Variants in HS3ST4 observed in about 807,000 individuals in gnomAD.
The protein encoded by HS3ST4 is heparan sulfate-glucosamine 3-sulfotransferase 4, also known as heparan sulfate glucosamine 3-O-sulfotransferase 4.
A neutral mutation model predicts 29.2 loss-of-function variants in HS3ST4; 17 were observed. That is an observed-to-expected ratio of 0.58 (90% CI 0.40 to 0.87). HS3ST4 has a LOEUF of 0.87. Ranked by LOEUF, HS3ST4 falls within the 40% of genes least tolerant of loss-of-function variation. HS3ST4 has a pLI of 0.00. For synonymous variants in HS3ST4, 314 were observed against 285.7 expected, an observed-to-expected ratio of 1.10 and a Z score of -1.00; for missense variants, 627 against 634.5, an observed-to-expected ratio of 0.99 and a Z score of 0.13.
rs146708875 is a variant in HS3ST4 at position 25,817,995 on chromosome 16, T to G, written c.734+124844T>G. 4.5e-3 allele frequency among the ~76,000 whole-genome samples: 678 copies of G among 152,274 alleles called. 2 individuals are homozygous for G. The highest frequency in any genetic ancestry group is 0.015 in the African/African-American group (639 of 41,554). ...TGCCTGAAACTTGGGAGTCATAAAA[T>G]CCTTGTCTTGACACCACTGTCTCGC... On this transcript the variant is annotated intron_variant, in intron 1 of 1. Transcript: ENST00000331351.
intron 1 of HS3ST4, among the ~76,000 whole-genome samples, chr16:25,745,570 T>A (rs1966680073): frequency 6.6e-6 from 1 of 152,164 alleles, no homozygotes; most frequent in South Asian, 2.1e-4. Context: ...ATTTAAGTGT[T>A]AAATTGGTGG....
chr16:25,912,284 C>T (rs550701587), intron 1 of HS3ST4, among the ~76,000 whole-genome samples: 34 of 152,304 alleles, frequency 2.2e-4, no homozygotes, highest in Middle Eastern at 3.4e-3. Context: ...GCTATGAATT[C>T]GTTATGCTCT....
chr16:25,760,056 G>C (rs1356154423), intron 1 of HS3ST4, among the ~76,000 whole-genome samples: 2 of 152,108 alleles, frequency 1.3e-5, no homozygotes, highest in Non-Finnish European at 2.9e-5. Context: ...TCCGGGACTT[G>C]AACTTCAATC....
chr16:26,092,210 C>T (rs903270074), intron 1 of HS3ST4, among the ~76,000 whole-genome samples: 5 of 152,088 alleles, frequency 3.3e-5, no homozygotes, highest in African/African-American at 1.2e-4. Context: ...CTAACCCAGC[C>T]CACGTCTACA....
At chr16:25,993,466 T>C (rs768008586) in intron 1 of HS3ST4, among the ~76,000 whole-genome samples, 38 of 152,022 alleles carry the variant, frequency 2.5e-4, no homozygotes, top group Non-Finnish European at 5.4e-4. Context: ...CTGTGGGGCA[T>C]CCCTAGTTCT....
chr16:26,062,261 C>T (rs1256070879), intron 1 of HS3ST4, among the ~76,000 whole-genome samples: 1 of 152,214 alleles, frequency 6.6e-6, no homozygotes, highest in East Asian at 1.9e-4. Context: ...AGAGCTGGTT[C>T]AACTGGTGGA....
At chr16:26,003,902 T>C (rs1383817133) in intron 1 of HS3ST4, among the ~76,000 whole-genome samples, 3 of 152,122 alleles carry the variant, frequency 2.0e-5, no homozygotes, top group African/African-American at 7.2e-5. Flanking sequence ...CTCCAAGTCC[T>C]GGGTCTTCCA....
intron 1 of HS3ST4, among the ~76,000 whole-genome samples, chr16:25,898,269 G>T (rs139627074): frequency 1.3e-5 from 2 of 152,284 alleles, no homozygotes; most frequent in South Asian, 2.1e-4. Flanking sequence ...AGTGCTAATG[G>T]CACTCACATA....
intron 1 of HS3ST4, among the ~76,000 whole-genome samples, chr16:26,040,834 C>A (rs1969630986): frequency 6.6e-6 from 1 of 152,062 alleles, no homozygotes; most frequent in Non-Finnish European, 1.5e-5. Context: ...TAAGCACTGC[C>A]TTAAGAGGTA....
At position 26,005,413 on chromosome 16, in the gene HS3ST4, T is replaced by A. The variant is rs186471131; in HGVS notation, c.735-130199T>A. On this transcript the variant is annotated intron_variant, in intron 1 of 1. Coordinates refer to ENST00000331351, the MANE Select transcript of HS3ST4 (RefSeq NM_006040.3). ...TGACGGGAGATAAGCAGCCTTAGAG[T>A]GTGTTAATTGGTTTGTGTTTAGCAT... Among the ~76,000 whole-genome samples the A allele has an allele frequency of 2.6e-5, 4 of 151,872 alleles. No homozygotes were observed. In the East Asian group the frequency reaches 7.8e-4, roughly 29 times the overall value.
chr16:25,950,521 T>A (rs928385994), intron 1 of HS3ST4, among the ~76,000 whole-genome samples: 3 of 152,132 alleles, frequency 2.0e-5, no homozygotes, highest in African/African-American at 4.8e-5. Flanking sequence ...GAATGAATGG[T>A]TAAGTGTCAG....
At chr16:25,695,676 T>C (rs1966290333) in intron 1 of HS3ST4, among the ~76,000 whole-genome samples, 2 of 152,244 alleles carry the variant, frequency 1.3e-5, no homozygotes, top group African/African-American at 4.8e-5. Flanking sequence ...CCTGGTTTCC[T>C]AGTCCAACTC....
intron 1 of HS3ST4, among the ~76,000 whole-genome samples, chr16:26,051,743 T>C (rs1898348136): frequency 6.6e-6 from 1 of 151,576 alleles, no homozygotes; most frequent in East Asian, 2.0e-4. Flanking sequence ...CTCTCTGTTT[T>C]CTGTTTTCCC....
At chr16:25,820,894 T>TTCAGC (rs1480985880) in intron 1 of HS3ST4, among the ~76,000 whole-genome samples, 1 of 152,010 alleles carries the variant, frequency 6.6e-6, no homozygotes, top group Non-Finnish European at 1.5e-5. Context: ...AAATTCATTT[T>TTCAGC]TCAGCTTGAT....
At chr16:25,955,878 G>A (rs1006213809) in intron 1 of HS3ST4, among the ~76,000 whole-genome samples, 13 of 149,814 alleles carry the variant, frequency 8.7e-5, no homozygotes, top group African/African-American at 2.7e-4. Flanking sequence ...GCAGTGGTGC[G>A]ATCTCGGCTC....
intron 1 of HS3ST4, among the ~76,000 whole-genome samples, chr16:25,974,244 A>G (rs1968922616): frequency 6.6e-6 from 1 of 152,180 alleles, no homozygotes; most frequent in African/African-American, 2.4e-5. Flanking sequence ...TAACTCTTTT[A>G]TCCAACACTA....
chr16:25,761,123 G>A (rs1484927348), intron 1 of HS3ST4, among the ~76,000 whole-genome samples: 1 of 152,196 alleles, frequency 6.6e-6, no homozygotes, highest in African/African-American at 2.4e-5. Context: ...AGCTGGGTGA[G>A]GCTCAGGTCT....
At chr16:25,805,734 T>C (rs79380030) in intron 1 of HS3ST4, among the ~76,000 whole-genome samples, 21,172 of 152,144 alleles carry the variant, frequency 0.14, 1,995 homozygotes, top group African/African-American at 0.25. Flanking sequence ...CTGGGGTACA[T>C]GTGCAGGGTG....
At chr16:26,095,661 G>A (rs1898917038) in intron 1 of HS3ST4, among the ~76,000 whole-genome samples, 1 of 152,142 alleles carries the variant, frequency 6.6e-6, no homozygotes. Flanking sequence ...ACAAGAGAAA[G>A]CAGGAAAGAT....
Sources: gnomAD v4.1 joint callset for allele counts (sites outside exome capture counted in the v4.1 genomes callset) on GRCh38, gnomAD v4.1.1 for gene constraint, MANE v1.5 for transcripts, NCBI Gene and HGNC (gene_info 2026-07-23, HGNC 2026-07-21) for gene names.